MOB1B: variants seen among roughly 807,000 people sequenced by gnomAD.
MOB1B encodes MOB kinase activator 1B.
In MOB1B, 19 loss-of-function variants were observed where a neutral mutation model predicts 24.4. The observed-to-expected ratio is 0.78, with a 90% CI of 0.54 to 1.14. MOB1B has a LOEUF of 1.14. MOB1B is among the 50% of genes most tolerant of loss of function. The probability of loss-of-function intolerance (pLI) is 0.00; values close to 1 mark genes in which losing one functional copy is unlikely to be tolerated. For synonymous variants in MOB1B, 76 were observed against 82.1 expected (o/e 0.93, Z 0.40); for missense variants, 243 against 259.6 (o/e 0.94, Z 0.44).
chr4:70,950,107 G>A (rs1429661738), intron 1 of MOB1B, among the ~76,000 whole-genome samples: 1 of 152,092 alleles, frequency 6.6e-6, no homozygotes, highest in African/African-American at 2.4e-5. Context: ...GAAGCTAAAG[G>A]TAAAGCATTG....
intron 4 of MOB1B, among the ~76,000 whole-genome samples, chr4:70,977,552 A>T (rs1308161541): frequency 2.6e-5 from 4 of 152,282 alleles, no homozygotes; most frequent in African/African-American, 9.6e-5. Context: ...ATGTTATGAG[A>T]TTATACATAA....
chr4:70,923,118 C>G lies in MOB1B; in HGVS notation c.14+20568C>G, dbSNP rs114918280. Among the ~76,000 whole-genome samples the G allele has an allele frequency of 2.3e-3, 346 of 152,232 alleles. 3 individuals are homozygous for G. The highest frequency in any genetic ancestry group is 8.0e-3 in the African/African-American group (333 of 41,528). ...CCTGCTTAGAACCGCAGCACAAAAG[C>G]CTGGATACATGCAACGCCATCCCAT... On this transcript the variant is annotated intron_variant, in intron 1 of 5. Transcript: ENST00000309395.
upstream of MOB1B, among the ~76,000 whole-genome samples, chr4:70,901,927 G>T (rs1735524181): frequency 6.6e-6 from 1 of 152,130 alleles, no homozygotes; most frequent in Non-Finnish European, 1.5e-5. Flanking sequence ...GGGTTCCGTG[G>T]TGAACTGAGA....
upstream of MOB1B, chr4:70,902,325 T>C: frequency 1.6e-6 from 1 of 637,160 alleles, no homozygotes; most frequent in Non-Finnish European, 2.9e-6. Context: ...TCCCCTGGAG[T>C]GATTCAAGAC....
chr4:70,922,058 C>T (rs1325584035), intron 1 of MOB1B, among the ~76,000 whole-genome samples: 2 of 152,146 alleles, frequency 1.3e-5, no homozygotes, highest in Non-Finnish European at 2.9e-5. Context: ...ATTCTTTCTT[C>T]CACTAATAAC....
chr4:70,934,805 G>C (rs1420906277), intron 1 of MOB1B, among the ~76,000 whole-genome samples: 1 of 151,848 alleles, frequency 6.6e-6, no homozygotes, highest in Admixed American at 6.6e-5. Flanking sequence ...TGCTGTCTCC[G>C]TAATTGTTTT....
intron 4 of MOB1B, chr4:70,975,502 T>TA (rs971000438): frequency 8.1e-7 from 1 of 1,234,346 alleles, no homozygotes; most frequent in Non-Finnish European, 1.0e-6. Context: ...TTTTCCCCTT[T>TA]AACTTAGTGC....
chr4:70,928,299 GTT>G (rs200503412), intron 1 of MOB1B, among the ~76,000 whole-genome samples: 6 of 135,302 alleles, frequency 4.4e-5, no homozygotes, highest in South Asian at 4.8e-4. Context: ...CAAGAATTTT[GTT>G]TTTTTTTTTT....
chr4:70,968,548 G>T (rs1011687086), intron 2 of MOB1B, among the ~76,000 whole-genome samples: 10 of 152,024 alleles, frequency 6.6e-5, no homozygotes, highest in Admixed American at 2.0e-4. Context: ...CTGACCTCAG[G>T]TGATCACCTG....
chr4:70,930,149 T>C (rs1736832358), intron 1 of MOB1B, among the ~76,000 whole-genome samples: 1 of 152,200 alleles, frequency 6.6e-6, no homozygotes, highest in South Asian at 2.1e-4. Context: ...GCATATAGTA[T>C]AGTCTATAAG....
At chr4:70,940,103 T>C (rs778172387) in intron 1 of MOB1B, among the ~76,000 whole-genome samples, 37 of 152,016 alleles carry the variant, frequency 2.4e-4, no homozygotes, top group Admixed American at 3.9e-4. Context: ...CGCTTTTGTC[T>C]TCTTCCGCTG....
intron 1 of MOB1B, 152 bp from the exon 2 acceptor site, chr4:70,958,722 T>G (rs745421664): frequency 1.2e-6 from 1 of 845,456 alleles, no homozygotes; most frequent in East Asian, 2.5e-5. Context: ...CAGAGAAAGT[T>G]TGTAGGAGTT....
chr4:70,950,717 T>A, intron 1 of MOB1B: 1 of 1,528,138 alleles, frequency 6.5e-7, no homozygotes, highest in Non-Finnish European at 8.8e-7. Context: ...CAGCCTGAAG[T>A]TGACTGGAAC....
intron 1 of MOB1B, among the ~76,000 whole-genome samples, chr4:70,957,480 C>G (rs976205958): frequency 1.3e-5 from 2 of 150,750 alleles, no homozygotes; most frequent in African/African-American, 4.9e-5. Flanking sequence ...GTTGCCCAGG[C>G]TGGAGTAGAG....
rs554733083 is a variant in MOB1B, at chr4:70,920,412, A to G, written c.14+17862A>G. ...GCTAATTTTTGTATTTTTAGTAGAG[A>G]TGGGGTTTTACCATGTTGGCCAGGC... is the stretch of plus-strand genomic sequence containing the variant. On this transcript the variant is annotated intron_variant, in intron 1 of 5. Coordinates refer to ENST00000309395, the MANE Select transcript of MOB1B (RefSeq NM_173468.4). 2.0e-5 allele frequency among the ~76,000 whole-genome samples: 3 copies of G among 152,206 alleles called. No homozygotes were observed. In the South Asian group the frequency reaches 6.2e-4, roughly 32 times the overall value.
Position 70,975,155 on chromosome 4 carries a change from A to G in MOB1B, c.278A>G (p.Tyr93Cys). ...TGCTTTTTATCTCTCCAATGCAGAT[A>G]TGAGTATCATTGGGCAGATGGAACG... ...SCPVMSAGPK[Y>C]EYHWADGTNI... Residue 93 changes from tyrosine (Y) to cysteine (C), a missense_variant and splice_region_variant, in exon 4 of 6, where the codon TAT becomes TGT. Tyr to Cys is a radical substitution (Grantham distance 194). Coordinates refer to ENST00000309395, the MANE Select transcript of MOB1B (RefSeq NM_173468.4). 6.2e-7 allele frequency: 1 copy of G among 1,601,776 alleles called. No homozygotes were observed.
At chr4:70,958,321 T>G (rs1034659127) in intron 1 of MOB1B, among the ~76,000 whole-genome samples, 2 of 151,922 alleles carry the variant, frequency 1.3e-5, no homozygotes, top group Non-Finnish European at 2.9e-5. Flanking sequence ...CCCGCCACCA[T>G]GCCTGGCTAA....
intron 1 of MOB1B, among the ~76,000 whole-genome samples, chr4:70,916,199 G>A (rs1195698518): frequency 1.3e-5 from 2 of 152,166 alleles, no homozygotes; most frequent in African/African-American, 4.8e-5. Flanking sequence ...TCTCACTTAG[G>A]TGAGAGTGTG....
intron 1 of MOB1B, among the ~76,000 whole-genome samples, chr4:70,951,565 A>T (rs920247630): frequency 6.6e-6 from 1 of 152,212 alleles, no homozygotes. Context: ...TATTAATGTG[A>T]TACCTCTAAT....
Sources: allele counts gnomAD v4.1 joint callset (sites outside exome capture counted in the v4.1 genomes callset), GRCh38; gene constraint gnomAD v4.1.1; transcripts MANE v1.5; gene names NCBI Gene and HGNC (gene_info 2026-07-23, HGNC 2026-07-21).